The following TSPAN12 variants were observed in gnomAD, a reference collection of about 807,000 sequenced individuals.
TSPAN12 encodes the protein tetraspanin-12.
TSPAN12 carries 19 observed loss-of-function variants against 39.2 expected under a neutral mutation model. The observed-to-expected ratio is 0.49, with a 90% confidence interval of 0.34 to 0.71. TSPAN12 has a LOEUF of 0.71. TSPAN12 is among the 30% of genes least tolerant of loss of function. The pLI is 0.01. For synonymous variants in TSPAN12, 119 were observed against 124.8 expected (o/e 0.95, Z 0.31); for missense variants, 314 against 359.9 (o/e 0.87, Z 1.03).
chr7:120,838,943 A>G (rs1794529536), intron 3 of TSPAN12, 31 bp from the exon 4 acceptor site: 1 of 1,611,350 alleles, frequency 6.2e-7, no homozygotes, highest in Non-Finnish European at 8.5e-7. Flanking sequence ...TATTAGAAAG[A>G]AAATATAATC....
At chr7:120,810,093 A>C in intron 6 of TSPAN12, among the ~76,000 whole-genome samples, 1 of 152,280 alleles carries the variant, frequency 6.6e-6, no homozygotes, top group Middle Eastern at 3.4e-3. Context: ...TTTTTTTAAA[A>C]CTAAAATTAT....
chr7:120,808,520 T>C (rs538469983), intron 6 of TSPAN12, among the ~76,000 whole-genome samples: 5 of 152,296 alleles, frequency 3.3e-5, no homozygotes, highest in Admixed American at 6.5e-5. Flanking sequence ...CCATCCATTT[T>C]ACATATGAGT....
chr7:120,797,928 T>C (rs1485062517), intron 7 of TSPAN12, among the ~76,000 whole-genome samples: 1 of 152,224 alleles, frequency 6.6e-6, no homozygotes, highest in African/African-American at 2.4e-5. Context: ...CCTCAACTCA[T>C]TCTCTACAAT....
At chr7:120,810,195 T>C (rs1480196070) in intron 6 of TSPAN12, among the ~76,000 whole-genome samples, 1 of 152,166 alleles carries the variant, frequency 6.6e-6, no homozygotes, top group Admixed American at 6.5e-5. Flanking sequence ...AAAAGAAAAC[T>C]TCACAATAAT....
intron 6 of TSPAN12, among the ~76,000 whole-genome samples, chr7:120,808,033 C>G (rs1008414394): frequency 5.3e-5 from 8 of 151,988 alleles, no homozygotes; most frequent in Non-Finnish European, 1.2e-4. Context: ...AAATCATAAA[C>G]AAGGAAAGGT....
At chr7:120,810,201 A>G (rs148990546) in intron 6 of TSPAN12, among the ~76,000 whole-genome samples, 44 of 152,334 alleles carry the variant, frequency 2.9e-4, no homozygotes, top group African/African-American at 1.1e-3. Flanking sequence ...AAACTTCACA[A>G]TAATTTAGCA....
intron 7 of TSPAN12, 102 bp downstream of exon 7, chr7:120,806,447 A>G: frequency 7.1e-7 from 1 of 1,399,280 alleles, no homozygotes; most frequent in South Asian, 1.2e-5. Flanking sequence ...GGCCTTTTAC[A>G]TTTAGACAGA....
chr7:120,840,566 T>C (rs1562951564), intron 2 of TSPAN12, among the ~76,000 whole-genome samples: 1 of 152,214 alleles, frequency 6.6e-6, no homozygotes, highest in Non-Finnish European at 1.5e-5. Flanking sequence ...AAAATGATAG[T>C]AATAGTAATA....
chr7:120,799,542 A>AT (rs1793706941), intron 7 of TSPAN12, among the ~76,000 whole-genome samples: 2 of 109,276 alleles, frequency 1.8e-5, no homozygotes, highest in African/African-American at 7.9e-5. Context: ...AATTATATAT[A>AT]ATTATATATA....
chr7:120,807,573 T>C (rs1188586291), intron 6 of TSPAN12, among the ~76,000 whole-genome samples: 1 of 151,982 alleles, frequency 6.6e-6, no homozygotes, highest in Admixed American at 6.6e-5. Context: ...TTGCCAAGAG[T>C]GACTGGCTAT....
At chr7:120,843,134 C>G (rs1184468537) in intron 2 of TSPAN12, among the ~76,000 whole-genome samples, 1 of 152,076 alleles carries the variant, frequency 6.6e-6, no homozygotes, top group African/African-American at 2.4e-5. Flanking sequence ...GGACCACATT[C>G]AAGAGTAGAA....
At chr7:120,835,933 A>C (rs1362373065) in intron 4 of TSPAN12, among the ~76,000 whole-genome samples, 1 of 152,180 alleles carries the variant, frequency 6.6e-6, no homozygotes, top group Admixed American at 6.5e-5. Context: ...AGAACCAGAG[A>C]ATAATGAAGT....
At chr7:120,801,584 A>G (rs931886067) in intron 7 of TSPAN12, among the ~76,000 whole-genome samples, 1 of 152,218 alleles carries the variant, frequency 6.6e-6, no homozygotes, top group Non-Finnish European at 1.5e-5. Flanking sequence ...TCTTTCTTCT[A>G]ACTACTAGAC....
chr7:120,818,081 G>C (rs1794118742), intron 4 of TSPAN12, among the ~76,000 whole-genome samples: 1 of 152,068 alleles, frequency 6.6e-6, no homozygotes, highest in Non-Finnish European at 1.5e-5. Context: ...ATGCTGTTAA[G>C]ACTTCAGAAA....
At chr7:120,799,889 TAATA>T (rs1434335094) in intron 7 of TSPAN12, among the ~76,000 whole-genome samples, 1 of 142,360 alleles carries the variant, frequency 7.0e-6, no homozygotes, top group African/African-American at 2.6e-5. Context: ...AATTAAATAT[TAATA>T]AATATTTAAT....
At position 120,838,882 on chromosome 7, in the gene TSPAN12, AAAGT is replaced by A. The variant is rs1278815943; in HGVS notation, c.176_179del (p.Tyr59PhefsTer8). 3 of 1,613,942 alleles carry A rather than the reference AAAGT, an allele frequency of 1.9e-6. No individual in the cohort carries two copies. Among genetic ancestry groups the A allele is most frequent in the Admixed American group, 1.7e-5 (1 of 60,000 alleles). On this transcript the variant is annotated frameshift_variant, in exon 4 of 8. Transcript: ENST00000222747. LOFTEE classifies it high-confidence loss of function. ...CAATCATGACCGGATGAACCACAGG[AAAGT>A]AAGTCAAAATGACTGCTTCCTCTAC...
In TSPAN12 at chr7:120,826,496, T is replaced by A. The variant is rs140743020; in HGVS notation, c.286-10693A>T. On this transcript the variant is annotated intron_variant, in intron 4 of 7. Coordinates refer to ENST00000222747, the MANE Select transcript of TSPAN12 (RefSeq NM_012338.4). ...TTCTGAAGAGGGTATCTATACAGAT[T>A]ATTGGGCCATTCCTAAGAATGTGAG... Among the ~76,000 whole-genome samples, 890 of 152,268 alleles carry A rather than the reference T, an allele frequency of 5.8e-3. 5 individuals carry two copies. Among genetic ancestry groups the A allele is most frequent in the South Asian group, 0.011 (53 of 4,824 alleles).
At position 120,856,717 on chromosome 7, in the gene TSPAN12, G is replaced by C; in HGVS notation, c.47C>G (p.Ala16Gly). The C allele has an allele frequency of 6.2e-7, 1 of 1,614,208 alleles. No individual in the cohort carries two copies. Among genetic ancestry groups the C allele is most frequent in the Non-Finnish European group, 8.5e-7 (1 of 1,180,034 alleles). ...SVKCLRCLLY[A>G]LNLLFWLMSI... ...ACTTACCCAAAAGAGCAGATTGAGGGCGTAGAGCAGGCAGCGCAGACACTT... is the reference window on the plus strand; with the variant it reads ...ACTTACCCAAAAGAGCAGATTGAGGCCGTAGAGCAGGCAGCGCAGACACTT... Residue 16 changes from alanine to glycine, a missense_variant, in exon 2 of 8, where the codon GCC becomes GGC. Transcript: ENST00000222747.
In TSPAN12 at chr7:120,791,459, T is replaced by C. The variant is rs118011255; in HGVS notation, c.613-2562A>G. Among the ~76,000 whole-genome samples, 817 of 152,340 alleles carry C rather than the reference T, an allele frequency of 5.4e-3. 5 individuals are homozygous for C. The highest frequency in any genetic ancestry group is 8.2e-3 in the Non-Finnish European group (557 of 68,024). ...ACAATGTATTAGTTATTCAAAAAAG[T>C]AAGCCATTCAATAAATATATATGCC... On this transcript the variant is annotated intron_variant, in intron 7 of 7. Coordinates refer to ENST00000222747, the MANE Select transcript of TSPAN12 (RefSeq NM_012338.4).
Sources: allele counts gnomAD v4.1 joint callset (sites outside exome capture counted in the v4.1 genomes callset), GRCh38; gene constraint gnomAD v4.1.1; transcripts MANE v1.5; gene names NCBI Gene and HGNC (gene_info 2026-07-23, HGNC 2026-07-21).